Variants in PCSK2 observed in about 807,000 individuals in gnomAD.
The protein encoded by PCSK2 is neuroendocrine convertase 2.
Under a neutral mutation model 69.7 loss-of-function variants are expected in PCSK2, and 14 were observed. The ratio of observed to expected loss-of-function variants is 0.20; its 90% confidence interval spans 0.13 to 0.31. PCSK2 has a LOEUF of 0.31. Among genes scored for constraint, PCSK2 ranks in the 10% least tolerant of loss-of-function variants. The pLI is 1.00. For synonymous variants in PCSK2, 307 were observed against 320.7 expected, an observed-to-expected ratio of 0.96 and a Z score of 0.46; for missense variants, 544 against 842.5, an observed-to-expected ratio of 0.65 and a Z score of 4.39.
rs180859582 is a variant in PCSK2, at chr20:17,353,384, G to A, written c.283-4943G>A. Among the ~76,000 whole-genome samples the A allele has an allele frequency of 2.0e-5, 3 of 150,348 alleles. No homozygotes were observed. The East Asian group carries it at 6.0e-4, about 30-fold the overall frequency. ...GGTGGCTGAGGCAGGAGAATCGCTT[G>A]AACCCGGGAGGTGGAGGTTGCAGTG... is the stretch of plus-strand genomic sequence containing the variant. On this transcript the variant is annotated intron_variant, in intron 2 of 11. Transcript: ENST00000262545.
chr20:17,298,348 G>A lies in PCSK2; in HGVS notation c.282+38004G>A, dbSNP rs147946176. On this transcript the variant is annotated intron_variant, in intron 2 of 11. Coordinates refer to ENST00000262545, the MANE Select transcript of PCSK2 (RefSeq NM_002594.5). Reference sequence around the variant, plus strand: ...ATGGTTCTCACCACATAGAAATGGGGTGATTTTGGCCCCAGGGGACACTTG... The same window carrying A: ...ATGGTTCTCACCACATAGAAATGGGATGATTTTGGCCCCAGGGGACACTTG... Among the ~76,000 whole-genome samples, 95 of 152,244 alleles carry A rather than the reference G, an allele frequency of 6.2e-4. 1 individual carries two copies. Among genetic ancestry groups the A allele is most frequent in the Admixed American group, 1.2e-3 (18 of 15,296 alleles).
intron 2 of PCSK2, among the ~76,000 whole-genome samples, chr20:17,289,616 A>G (rs1600453949): frequency 6.6e-6 from 1 of 152,224 alleles, no homozygotes; most frequent in Non-Finnish European, 1.5e-5. Flanking sequence ...TATTTTAGAG[A>G]GTATCACTTT....
intron 2 of PCSK2, among the ~76,000 whole-genome samples, chr20:17,266,710 T>C (rs1244720789): frequency 1.3e-5 from 2 of 152,166 alleles, no homozygotes; most frequent in Admixed American, 6.5e-5. Flanking sequence ...AACAGGGGCC[T>C]CAGTCAATTT....
chr20:17,372,113 C>G (rs902067277), intron 5 of PCSK2, among the ~76,000 whole-genome samples: 4 of 152,148 alleles, frequency 2.6e-5, no homozygotes, highest in Non-Finnish European at 5.9e-5. Flanking sequence ...GAAGAACTGT[C>G]TAGTGATTAA....
chr20:17,442,521 T>C (rs2032618341), intron 8 of PCSK2, among the ~76,000 whole-genome samples: 1 of 152,164 alleles, frequency 6.6e-6, no homozygotes, highest in African/African-American at 2.4e-5. Context: ...GCCCTCTGCT[T>C]TACAGCCAAG....
intron 1 of PCSK2, among the ~76,000 whole-genome samples, chr20:17,258,797 T>TGTG (rs1555782145): frequency 2.0e-5 from 3 of 151,028 alleles, no homozygotes; most frequent in Non-Finnish European, 3.0e-5. Context: ...TGTGTGTGTG[T>TGTG]TTAAGCAAGG....
At chr20:17,230,079 T>G (rs1023681194) in intron 1 of PCSK2, among the ~76,000 whole-genome samples, 2 of 152,230 alleles carry the variant, frequency 1.3e-5, no homozygotes, top group Admixed American at 6.5e-5. Flanking sequence ...GTATTTATTA[T>G]CCCAGGTTTC....
At chr20:17,267,580 A>G (rs933762518) in intron 2 of PCSK2, among the ~76,000 whole-genome samples, 1 of 152,202 alleles carries the variant, frequency 6.6e-6, no homozygotes, top group Non-Finnish European at 1.5e-5. Flanking sequence ...TGTGGGGAAC[A>G]GGGGAGAATT....
At chr20:17,459,266 T>C (rs116808264) in intron 10 of PCSK2, among the ~76,000 whole-genome samples, 6,437 of 152,324 alleles carry the variant, frequency 0.042, 137 homozygotes, top group Middle Eastern at 0.13. Context: ...TTCCTCCATG[T>C]TCCTGTATGT....
At chr20:17,481,413 A>AAAAAAAAAAAG (rs113487407) in intron 11 of PCSK2, among the ~76,000 whole-genome samples, 171 bp from the exon 12 acceptor site, 5 of 115,820 alleles carry the variant, frequency 4.3e-5, no homozygotes, top group South Asian at 2.7e-4. Flanking sequence ...AAAAAAAAAA[A>AAAAAAAAAAAG]AGAGATAAGT....
chr20:17,240,946 G>C (rs1333495160), intron 1 of PCSK2, among the ~76,000 whole-genome samples: 1 of 152,110 alleles, frequency 6.6e-6, no homozygotes. Flanking sequence ...AATGCTTTTT[G>C]CAATAGTTGT....
chr20:17,287,230 G>A (rs540041963), intron 2 of PCSK2, among the ~76,000 whole-genome samples: 21 of 152,224 alleles, frequency 1.4e-4, no homozygotes, highest in African/African-American at 5.1e-4. Context: ...GCCTAGCCCA[G>A]TTGACACATA....
At chr20:17,404,286 C>T (rs1173831503) in intron 5 of PCSK2, among the ~76,000 whole-genome samples, 2 of 152,354 alleles carry the variant, frequency 1.3e-5, no homozygotes, top group Admixed American at 6.5e-5. Flanking sequence ...TCTGTTCAAT[C>T]ACATCAGTGG....
intron 5 of PCSK2, among the ~76,000 whole-genome samples, chr20:17,387,719 T>C (rs952428580): frequency 1.3e-5 from 2 of 152,156 alleles, no homozygotes; most frequent in African/African-American, 4.8e-5. Flanking sequence ...GGGGACTGTA[T>C]ACAAGGTCAT....
chr20:17,470,098 A>C (rs911038644), intron 11 of PCSK2, among the ~76,000 whole-genome samples: 1 of 152,180 alleles, frequency 6.6e-6, no homozygotes, highest in African/African-American at 2.4e-5. Flanking sequence ...TACTCATCAT[A>C]ACTAACTTTA....
chr20:17,366,667 T>C (rs2030600624), intron 4 of PCSK2, among the ~76,000 whole-genome samples: 1 of 152,242 alleles, frequency 6.6e-6, no homozygotes, highest in Non-Finnish European at 1.5e-5. Flanking sequence ...TTTCCATTCT[T>C]CAGTCCATTA....
intron 2 of PCSK2, among the ~76,000 whole-genome samples, chr20:17,346,919 C>T (rs183332373): frequency 3.5e-4 from 53 of 152,322 alleles, no homozygotes; most frequent in African/African-American, 8.9e-4. Flanking sequence ...CCTCGCTCCA[C>T]AAGAAACATC....
chr20:17,473,316 A>G (rs752186168), intron 11 of PCSK2, among the ~76,000 whole-genome samples: 31 of 151,348 alleles, frequency 2.0e-4, no homozygotes, highest in East Asian at 3.9e-4. Context: ...CTGGTCTTGA[A>G]CTCCTGACCT....
rs891860563 is a variant in PCSK2 at position 17,360,756 on chromosome 20, G to A, written c.505+116G>A. 5.7e-5 allele frequency: 38 copies of A among 667,122 alleles called. No individual in the cohort carries two copies. The Middle Eastern group carries it at 2.0e-3, about 35-fold the overall frequency. 41.3% of individuals were successfully genotyped at this position (667,122 alleles called of 1,614,324 possible). ...CAGAGATGGAACAGCAAGATACTGG[G>A]CATGATGGCCACACTGCACTGTGCC... On this transcript the variant is annotated intron_variant, in intron 4 of 11. Coordinates refer to ENST00000262545, the MANE Select transcript of PCSK2 (RefSeq NM_002594.5).
Sources: allele counts gnomAD v4.1 joint callset (sites outside exome capture counted in the v4.1 genomes callset), GRCh38; gene constraint gnomAD v4.1.1; transcripts MANE v1.5; gene names NCBI Gene and HGNC (gene_info 2026-07-23, HGNC 2026-07-21).